Variants in ZNF623 observed in about 807,000 individuals in gnomAD.
ZNF623 encodes zinc finger protein 623.
ZNF623 carries 16 observed loss-of-function variants against 24.0 expected under a neutral mutation model. That is an observed-to-expected ratio of 0.67 (90% CI 0.45 to 1.01). The LOEUF (loss-of-function observed/expected upper bound fraction) is 1.01, where lower values mean the gene tolerates loss of function less well. ZNF623 is among the 50% of genes least tolerant of loss of function. The pLI is 0.00. For synonymous variants in ZNF623, 224 were observed against 219.8 expected (o/e 1.02, Z -0.17); for missense variants, 566 against 606.5 (o/e 0.93, Z 0.70).
rs760766472 is a variant in ZNF623 at position 143,652,702 on chromosome 8, A to C, written c.*1219A>C. 1 of 167,228 alleles carries C rather than the reference A, an allele frequency of 6.0e-6. No homozygotes were observed. The highest frequency in any genetic ancestry group is 3.4e-3 in the Middle Eastern group (1 of 296). The allele number at this position is 167,228 out of a possible 1,614,324, so 10.4% of individuals were successfully genotyped here. ...AGGTCTCAAGAGAAGGTCTTTACTTACTTGTCTGTATCTTTCTGTCTCACT... is the reference window on the plus strand; with the variant it reads ...AGGTCTCAAGAGAAGGTCTTTACTTCCTTGTCTGTATCTTTCTGTCTCACT... On this transcript the variant is annotated 3_prime_UTR_variant, in exon 2 of 2. Coordinates refer to ENST00000526926, the MANE Select transcript of ZNF623 (RefSeq NM_001261843.2).
In ZNF623 at chr8:143,650,915, T is replaced by C; in HGVS notation, c.923T>C (p.Val308Ala). Reference sequence around the variant, plus strand: ...ATCCATACTGGGGAGAGGCCTTACGTATGCAATGAGTGTGGGAAGCGCTTC... The same window carrying C: ...ATCCATACTGGGGAGAGGCCTTACGCATGCAATGAGTGTGGGAAGCGCTTC... ...QRIHTGERPY[V>A]CNECGKRFSQ... The change falls in exon 2 of 2, where the codon GTA becomes GCA. Residue 308 changes from valine (V) to alanine (A), a missense_variant. Physicochemically the swap from Val to Ala is moderately conservative, Grantham distance 64. Transcript: ENST00000526926. The surrounding 1 kb of genome is among the most constrained non-coding windows in gnomAD (Gnocchi z 5.2). 1 of 1,613,636 alleles carries C rather than the reference T, an allele frequency of 6.2e-7. No individual in the cohort carries two copies. The highest frequency in any genetic ancestry group is 1.1e-5 in the South Asian group (1 of 91,058).
intron 1 of ZNF623, among the ~76,000 whole-genome samples, chr8:143,637,163 C>G (rs184043837): frequency 6.6e-6 from 1 of 152,328 alleles, no homozygotes; most frequent in East Asian, 1.9e-4. Flanking sequence ...CCTGAACTTC[C>G]GGGGCATCGT....
chr8:143,648,765 A>C (rs1349746532), intron 1 of ZNF623, among the ~76,000 whole-genome samples: 1 of 152,032 alleles, frequency 6.6e-6, no homozygotes, highest in Non-Finnish European at 1.5e-5. Context: ...ATGGGTGGAG[A>C]TACAGGCTGG....
intron 1 of ZNF623, among the ~76,000 whole-genome samples, chr8:143,645,757 G>A (rs891383565): frequency 2.0e-5 from 3 of 152,210 alleles, no homozygotes; most frequent in Non-Finnish European, 4.4e-5. Flanking sequence ...GAGTTTGGGT[G>A]TGTGAGTTGC....
chr8:143,644,429 G>C (rs1263337294), intron 1 of ZNF623, among the ~76,000 whole-genome samples: 1 of 152,146 alleles, frequency 6.6e-6, no homozygotes, highest in Non-Finnish European at 1.5e-5. Context: ...ATTGAAGACA[G>C]TAGTAGTGGA....
At chr8:143,641,982 G>T (rs948379740) in intron 1 of ZNF623, among the ~76,000 whole-genome samples, 1 of 152,112 alleles carries the variant, frequency 6.6e-6, no homozygotes, top group Admixed American at 6.6e-5. Context: ...AGCTGCATTC[G>T]CCCCTAACGA....
chr8:143,653,489 A>ACACCTGTGTAACCACCAC lies in ZNF623; in HGVS notation c.*2026_*2043dup, dbSNP rs557845756. The ACACCTGTGTAACCACCAC allele has an allele frequency of 1.2e-5, 2 of 167,176 alleles. No individual in the cohort carries two copies. The highest frequency in any genetic ancestry group is 4.8e-5 in the African/African-American group (2 of 41,572). The allele number at this position is 167,176 out of a possible 1,614,324, so 10.4% of individuals were successfully genotyped here. On this transcript the variant is annotated 3_prime_UTR_variant, in exon 2 of 2. Coordinates refer to ENST00000526926, the MANE Select transcript of ZNF623 (RefSeq NM_001261843.2). Reference sequence around the variant, plus strand: ...GTGTACAAGGTTTTGAAAAATCTATACACCTGTGTAACCACCACCACCTGT... The same window carrying ACACCTGTGTAACCACCAC: ...GTGTACAAGGTTTTGAAAAATCTATACACCTGTGTAACCACCACCACCTGTGTAACCACCACCACCTGT...
Position 143,651,640 on chromosome 8 carries a change from C to G in ZNF623, c.*157C>G, listed in dbSNP as rs1023466710. 1.3e-6 allele frequency: 1 copy of G among 781,314 alleles called. No homozygotes were observed. Among genetic ancestry groups the G allele is most frequent in the African/African-American group, 1.8e-5 (1 of 56,672 alleles). 48.4% of individuals were successfully genotyped at this position (781,314 alleles called of 1,614,324 possible). On this transcript the variant is annotated 3_prime_UTR_variant, in exon 2 of 2. Transcript: ENST00000526926. ...TGCCACTGTGCAGCCCTACTCGGCTCAGCCCTTCTCCTCAGCTGTGAGCAC... is the reference window on the plus strand; with the variant it reads ...TGCCACTGTGCAGCCCTACTCGGCTGAGCCCTTCTCCTCAGCTGTGAGCAC...
At chr8:143,636,538 C>CT (rs1563695432) in intron 1 of ZNF623, 1 of 152,378 alleles carries the variant, frequency 6.6e-6, no homozygotes, top group African/African-American at 2.4e-5. Flanking sequence ...ATGCCGCAGA[C>CT]ATGTTTTACG....
chr8:143,645,396 C>T (rs568020224), intron 1 of ZNF623, among the ~76,000 whole-genome samples: 6 of 150,498 alleles, frequency 4.0e-5, no homozygotes, highest in African/African-American at 9.8e-5. Flanking sequence ...GGCGCCACTG[C>T]ACTCCAGCCT....
chr8:143,649,434 C>G (rs1395370401), intron 1 of ZNF623, among the ~76,000 whole-genome samples: 1 of 152,128 alleles, frequency 6.6e-6, no homozygotes, highest in East Asian at 1.9e-4. Context: ...GGGTGATTCT[C>G]ATGCAACTTA....
intron 1 of ZNF623, among the ~76,000 whole-genome samples, chr8:143,640,940 TTA>T (rs1491470854): frequency 1.6e-5 from 1 of 62,578 alleles, no homozygotes; most frequent in Non-Finnish European, 2.8e-5. Context: ...AACTCTGTCT[TTA>T]AAAAAAAAAA....
At chr8:143,646,666 G>A (rs772175795) in intron 1 of ZNF623, among the ~76,000 whole-genome samples, 1 of 151,870 alleles carries the variant, frequency 6.6e-6, no homozygotes, top group Non-Finnish European at 1.5e-5. Flanking sequence ...TTGATGGAGT[G>A]TTTTTTGTTG....
At position 143,650,038 on chromosome 8, in the gene ZNF623, T is replaced by A. The variant is rs1563701636; in HGVS notation, c.46T>A (p.Leu16Ile). 1 of 1,614,036 alleles carries A rather than the reference T, an allele frequency of 6.2e-7. No individual in the cohort carries two copies. The highest frequency in any genetic ancestry group is 8.5e-7 in the Non-Finnish European group (1 of 1,179,980). Residue 16 changes from leucine to isoleucine, a missense_variant, in exon 2 of 2, where the codon TTA (leucine) becomes ATA (isoleucine). Around this residue, in one of 3 missense-constraint regions of ZNF623, gnomAD observed 313 missense variants for 300.4 expected, o/e 1.04. Transcript: ENST00000526926. The surrounding 1 kb of genome is among the most constrained non-coding windows in gnomAD (Gnocchi z 5.2). ...GTCTGAGGAAGTCCACGAGCCCAGA[T>A]TAGGGGAGCTCTTGGGAAATCCAGA... ...PESEEVHEPR[L>I]GELLGNPEGQ... is the part of the protein sequence containing the mutation.
intron 1 of ZNF623, among the ~76,000 whole-genome samples, chr8:143,649,276 T>TG (rs1554605373): frequency 7.6e-6 from 1 of 130,900 alleles, no homozygotes; most frequent in East Asian, 2.1e-4. Context: ...AGACTCCATC[T>TG]AAAAAAAAAA....
chr8:143,650,109 GC>G lies in ZNF623; in HGVS notation c.118del (p.Gln40ArgfsTer2), dbSNP rs1444155110. The G allele has an allele frequency of 1.2e-6, 2 of 1,614,060 alleles. No individual in the cohort carries two copies. Among genetic ancestry groups the G allele is most frequent in the Admixed American group, 3.3e-5 (2 of 60,002 alleles). On this transcript the variant is annotated frameshift_variant, in exon 2 of 2. Transcript: ENST00000526926. LOFTEE classifies it low-confidence loss of function (END_TRUNC). This position sits in a 1 kb window ranked among gnomAD's most constrained non-coding sequence, Gnocchi z 5.2. ...CCCCCTCTCAGGACAGGGGCTGCAA[GC>G]AGGTGACAGTGACCCATTGGAAGAT... ...SSPSQDRGCK[Q>X]VTVTHWKIQT...
In ZNF623 at chr8:143,649,948, G is replaced by A. The variant is rs1323485621; in HGVS notation, c.-45G>A. On this transcript the variant is annotated 5_prime_UTR_variant, in exon 2 of 2. Transcript: ENST00000526926. ...GAAGGTGACTGAAGCCTGGATTTCT[G>A]AGGATGAAAACTCACATAGGACGAC... 1 of 1,613,838 alleles carries A rather than the reference G, an allele frequency of 6.2e-7. No individual in the cohort carries two copies. Among genetic ancestry groups the A allele is most frequent in the East Asian group, 2.2e-5 (1 of 44,890 alleles).
In ZNF623 at chr8:143,651,497, C is replaced by T. The variant is rs1815320108; in HGVS notation, c.*14C>T. On this transcript the variant is annotated 3_prime_UTR_variant, in exon 2 of 2. Transcript: ENST00000526926. ...GGTAACTTATAAAATAATTACTTTC[C>T]CGCCCAGTGAGTGATGTTTGGAAAT... 6.5e-7 allele frequency: 1 copy of T among 1,540,200 alleles called. No individual in the cohort carries two copies. Among genetic ancestry groups the T allele is most frequent in the South Asian group, 1.3e-5 (1 of 78,094 alleles).
chr8:143,651,021 T>C lies in ZNF623; in HGVS notation c.1029T>C (p.Ala343=). Residue 343 remains alanine, a synonymous_variant, in exon 2 of 2, where the codon GCT becomes GCC. Coordinates refer to ENST00000526926, the MANE Select transcript of ZNF623 (RefSeq NM_001261843.2). ...KLYECNECGK[A]FFLSSYLIRH... ...ATGAATGTAACGAGTGTGGGAAAGC[T>C]TTCTTTCTGAGTTCATACCTTATTC... 2.5e-6 allele frequency: 4 copies of C among 1,614,058 alleles called. No individual in the cohort carries two copies. The highest frequency in any genetic ancestry group is 2.5e-6 in the Non-Finnish European group (3 of 1,180,010).
Sources: allele counts gnomAD v4.1 joint callset (sites outside exome capture counted in the v4.1 genomes callset), GRCh38; gene constraint gnomAD v4.1.1; regional missense constraint gnomAD v4.1.1; non-coding constraint Gnocchi (gnomAD v3.1); transcripts MANE v1.5; gene names NCBI Gene and HGNC (gene_info 2026-07-23, HGNC 2026-07-21).